Variants in NXPE3 observed in about 807,000 individuals in gnomAD.
The protein encoded by NXPE3 is NXPE family member 3.
NXPE3 carries 26 observed loss-of-function variants against 46.1 expected under a neutral mutation model. That is an observed-to-expected ratio of 0.56 (90% CI 0.41 to 0.78). The LOEUF is 0.78. Ranked by LOEUF, NXPE3 falls within the 30% of genes least tolerant of loss-of-function variation. NXPE3 has a pLI of 0.00. For synonymous variants in NXPE3, 272 were observed against 257.9 expected, an observed-to-expected ratio of 1.05 and a Z score of -0.52; for missense variants, 620 against 686.0, an observed-to-expected ratio of 0.90 and a Z score of 1.07.
At chr3:101,804,586 T>C (rs1941319945) in intron 5 of NXPE3, among the ~76,000 whole-genome samples, 1 of 152,192 alleles carries the variant, frequency 6.6e-6, no homozygotes, top group Non-Finnish European at 1.5e-5. Flanking sequence ...AAGAAAAAGA[T>C]TGAAATTGAT....
At chr3:101,784,695 A>C (rs1940044749) in intron 3 of NXPE3, among the ~76,000 whole-genome samples, 1 of 152,182 alleles carries the variant, frequency 6.6e-6, no homozygotes, top group African/African-American at 2.4e-5. Flanking sequence ...ACAGTTAGGC[A>C]CTGCTGACTC....
In NXPE3 at chr3:101,797,424, A is replaced by AT. The variant is rs5851282; in HGVS notation, c.94-3799dup. ...ATTAAGCTATTCTTTTTTTTTTTTA[A>AT]TTTTTTTTTTTTATTATACTTTAAG... On this transcript the variant is annotated intron_variant, in intron 4 of 7. Coordinates refer to ENST00000273347, the MANE Select transcript of NXPE3 (RefSeq NM_145037.4). Among the ~76,000 whole-genome samples the AT allele has an allele frequency of 6.6e-4, 95 of 143,208 alleles. 1 individual carries two copies. Among genetic ancestry groups the AT allele is most frequent in the African/African-American group, 8.3e-4 (32 of 38,690 alleles). 94.0% of individuals were successfully genotyped at this position (143,208 alleles called of 152,430 possible).
At chr3:101,819,532 CAG>C (rs1367585340) in intron 7 of NXPE3, among the ~76,000 whole-genome samples, 3 of 152,234 alleles carry the variant, frequency 2.0e-5, no homozygotes, top group South Asian at 4.1e-4. Flanking sequence ...TCAAAAGAAA[CAG>C]GGTTGCTTCT....
chr3:101,818,738 TA>T (rs1560067273), intron 7 of NXPE3, among the ~76,000 whole-genome samples: 7 of 32,710 alleles, frequency 2.1e-4, no homozygotes, highest in African/African-American at 7.8e-4. Context: ...TATATATATA[TA>T]TATATATATA....
At chr3:101,792,277 G>C (rs1299183270) in intron 4 of NXPE3, among the ~76,000 whole-genome samples, 1 of 152,104 alleles carries the variant, frequency 6.6e-6, no homozygotes, top group Admixed American at 6.6e-5. Context: ...TTAGATCCCA[G>C]TTGTCAATTT....
chr3:101,807,103 C>T lies in NXPE3; in HGVS notation c.899C>T (p.Thr300Ile). The T allele has an allele frequency of 6.2e-7, 1 of 1,612,704 alleles. No homozygotes were observed. The highest frequency in any genetic ancestry group is 8.5e-7 in the Non-Finnish European group (1 of 1,178,908). Reference protein sequence around the residue: ...PVNSSGPDWVTVIPRRIKETN... With the variant: ...PVNSSGPDWVIVIPRRIKETN... ...AACTCCAGTGGACCTGATTGGGTAA[C>T]TGTGATTCCCAGGAGAATAAAAGGT... is the stretch of plus-strand genomic sequence containing the variant. The change falls in exon 6 of 8, where the codon ACT becomes ATT. Residue 300 changes from threonine to isoleucine, a missense_variant. Coordinates refer to ENST00000273347, the MANE Select transcript of NXPE3 (RefSeq NM_145037.4).
At chr3:101,802,217 C>T (rs1372259648) in intron 5 of NXPE3, among the ~76,000 whole-genome samples, 1 of 152,062 alleles carries the variant, frequency 6.6e-6, no homozygotes, top group Admixed American at 6.6e-5. Flanking sequence ...ACCTTTTACC[C>T]TTGAATTTTT....
intron 4 of NXPE3, among the ~76,000 whole-genome samples, chr3:101,792,226 A>G (rs1940560563): frequency 6.6e-6 from 1 of 152,192 alleles, no homozygotes; most frequent in African/African-American, 2.4e-5. Flanking sequence ...TGTTTACTCT[A>G]TTGATAGTAT....
In NXPE3 at chr3:101,818,744, TA is replaced by T. The variant is rs1560067378; in HGVS notation, c.1129+1744del. Among the ~76,000 whole-genome samples the T allele has an allele frequency of 6.2e-3, 188 of 30,168 alleles. 2 individuals are homozygous for T. The highest frequency in any genetic ancestry group is 6.9e-3 in the Non-Finnish European group (113 of 16,396). 19.8% of individuals were successfully genotyped at this position (30,168 alleles called of 152,430 possible). On this transcript the variant is annotated intron_variant, in intron 7 of 7. Coordinates refer to ENST00000273347, the MANE Select transcript of NXPE3 (RefSeq NM_145037.4). The stretch of plus-strand genomic sequence containing the variant: ...ATATATATATATATATATATATATA[TA>T]TATATATATTTTTTTTTTTTTTTTT...
rs1302232496 is a variant in NXPE3 at position 101,801,218 on chromosome 3, T to C, written c.94-17T>C. The stretch of plus-strand genomic sequence containing the variant: ...TATTATAGTGGTAATTTCTGTTGTT[T>C]GTGTCTTCTTCTTCAGTACTTGGAC... On this transcript the variant is annotated splice_polypyrimidine_tract_variant and intron_variant, in intron 4 of 7. Coordinates refer to ENST00000273347, the MANE Select transcript of NXPE3 (RefSeq NM_145037.4). 6.3e-7 allele frequency: 1 copy of C among 1,585,054 alleles called. No individual in the cohort carries two copies.
Position 101,824,123 on chromosome 3 carries a change from AGAG to A in NXPE3, c.*2171_*2173del, listed in dbSNP as rs1392704839. On this transcript the variant is annotated 3_prime_UTR_variant, in exon 8 of 8. Coordinates refer to ENST00000273347, the MANE Select transcript of NXPE3 (RefSeq NM_145037.4). ...CTCTAAAAAAAAAAAAAAAAAAAAA[AGAG>A]GGACCATGATGCCTCTGGGATTTAT... 1 of 151,038 alleles carries A rather than the reference AGAG, an allele frequency of 6.6e-6. No homozygotes were observed. The highest frequency in any genetic ancestry group is 1.5e-5 in the Non-Finnish European group (1 of 68,068). The allele number at this position is 151,038 out of a possible 1,614,324, so 9.4% of individuals were successfully genotyped here. A position where few individuals can be genotyped will look rare whatever the true frequency, so the allele number is the denominator to read the frequency against.
chr3:101,820,944 A>G (rs1159581744), intron 7 of NXPE3, among the ~76,000 whole-genome samples: 2 of 152,204 alleles, frequency 1.3e-5, no homozygotes, highest in African/African-American at 2.4e-5. Flanking sequence ...AACCTGGGTG[A>G]TGAAATAATA....
chr3:101,811,997 G>A (rs1368265339), intron 6 of NXPE3, among the ~76,000 whole-genome samples: 1 of 152,022 alleles, frequency 6.6e-6, no homozygotes, highest in Admixed American at 6.5e-5. Context: ...GCTTCCTAAA[G>A]TGTTGGGATT....
chr3:101,796,759 A>G (rs1422682125), intron 4 of NXPE3, among the ~76,000 whole-genome samples: 1 of 152,222 alleles, frequency 6.6e-6, no homozygotes, highest in Non-Finnish European at 1.5e-5. Context: ...AAATGTGTGT[A>G]TGTTAGTATA....
Position 101,801,245 on chromosome 3 carries a change from A to T in NXPE3, c.104A>T (p.His35Leu). Reference sequence around the variant, plus strand: ...TGTCTTCTTCTTCAGTACTTGGACCATGAGACTGTTTCAGCCACTTTCATC... The same window carrying T: ...TGTCTTCTTCTTCAGTACTTGGACCTTGAGACTGTTTCAGCCACTTTCATC... ...INVTQVEYLD[H>L]ETVSATFIDS... Residue 35 changes from histidine to leucine, a missense_variant, in exon 5 of 8, where the codon CAT becomes CTT. His to Leu is a moderately conservative substitution (Grantham distance 99, BLOSUM62 -3). Coordinates refer to ENST00000273347, the MANE Select transcript of NXPE3 (RefSeq NM_145037.4). 6.2e-7 allele frequency: 1 copy of T among 1,610,692 alleles called. No individual in the cohort carries two copies.
chr3:101,782,028 T>C (rs994796132), intron 1 of NXPE3, 82 bp from the exon 2 acceptor site: 1 of 152,200 alleles, frequency 6.6e-6, no homozygotes. Context: ...CCTGTAAAAT[T>C]GTACTCTTAA....
At chr3:101,794,349 C>T (rs1048526189) in intron 4 of NXPE3, among the ~76,000 whole-genome samples, 18 of 152,038 alleles carry the variant, frequency 1.2e-4, no homozygotes, top group African/African-American at 3.1e-4. Flanking sequence ...TAGGAGGAGC[C>T]GTGTTCCTTC....
chr3:101,803,611 T>G (rs962600608), intron 5 of NXPE3, among the ~76,000 whole-genome samples: 13 of 152,366 alleles, frequency 8.5e-5, no homozygotes, highest in Admixed American at 6.5e-4. Flanking sequence ...TACCCTATTT[T>G]AGAGGGTTGG....
In NXPE3 at chr3:101,821,881, T is replaced by G. The variant is rs1942275237; in HGVS notation, c.1607T>G (p.Leu536Arg). The part of the protein sequence containing the change: ...MTLAHYLPHK[L>R]HPDEVIVKNQ... ...CTGGCCCATTATCTACCGCACAAGCTGCATCCAGATGAAGTTATTGTGAAG... is the reference window on the plus strand; with the variant it reads ...CTGGCCCATTATCTACCGCACAAGCGGCATCCAGATGAAGTTATTGTGAAG... The change falls in exon 8 of 8, where the codon CTG (leucine) becomes CGG (arginine). Residue 536 changes from leucine (L) to arginine (R), a missense_variant. By Grantham distance (102) the Leu-to-Arg change is moderately radical. Around this residue, in one of 3 missense-constraint regions of NXPE3, gnomAD observed 34 missense variants for 36.2 expected, o/e 0.94. Transcript: ENST00000273347. 1 of 1,614,070 alleles carries G rather than the reference T, an allele frequency of 6.2e-7. No individual in the cohort carries two copies. Among genetic ancestry groups the G allele is most frequent in the African/African-American group, 1.3e-5 (1 of 74,910 alleles).
Sources: gnomAD v4.1 joint callset for allele counts (sites outside exome capture counted in the v4.1 genomes callset) on GRCh38, gnomAD v4.1.1 for gene constraint, gnomAD v4.1.1 regional missense constraint, MANE v1.5 for transcripts, NCBI Gene and HGNC (gene_info 2026-07-23, HGNC 2026-07-21) for gene names.